The following METTL15 variants were observed in gnomAD, a reference collection of about 807,000 sequenced individuals.
METTL15 encodes methyltransferase 15, mitochondrial 12S rRNA N4-cytidine, also known as 12S rRNA N(4)-cytidine methyltransferase METTL15.
METTL15 carries 34 observed loss-of-function variants against 38.3 expected under a neutral mutation model. The observed-to-expected ratio is 0.89, with a 90% CI of 0.68 to 1.18. METTL15 has a LOEUF of 1.18. Among genes scored for constraint, METTL15 ranks in the 50% most tolerant of loss-of-function variants. METTL15 has a pLI of 0.00. For missense variants in METTL15, 438 were observed against 498.4 expected (o/e 0.88, Z 1.15); for synonymous variants, 162 against 170.9 (o/e 0.95, Z 0.41).
chr11:28,313,358 T>G (rs1250911986), intron 6 of METTL15, among the ~76,000 whole-genome samples: 2 of 151,926 alleles, frequency 1.3e-5, no homozygotes, highest in Admixed American at 1.3e-4. Flanking sequence ...TTAAAACTCA[T>G]GATCATTGAG....
At chr11:28,312,178 T>C (rs1857327091) in intron 6 of METTL15, among the ~76,000 whole-genome samples, 1 of 152,230 alleles carries the variant, frequency 6.6e-6, no homozygotes, top group Non-Finnish European at 1.5e-5. Flanking sequence ...CATAATAAGC[T>C]GTAAGCTTGG....
At chr11:28,131,962 G>T (rs1465035449) in intron 3 of METTL15, among the ~76,000 whole-genome samples, 1 of 152,136 alleles carries the variant, frequency 6.6e-6, no homozygotes, top group African/African-American at 2.4e-5. Flanking sequence ...AATTTAGAGT[G>T]ATTAAAAAAA....
chr11:28,429,025 G>T (rs1006254961), intron 6 of METTL15, among the ~76,000 whole-genome samples: 1 of 152,000 alleles, frequency 6.6e-6, no homozygotes, highest in Non-Finnish European at 1.5e-5. Context: ...CTATTATACT[G>T]CCTGCCTGAC....
At chr11:28,525,085 G>A (rs1391987825) in intron 6 of METTL15, among the ~76,000 whole-genome samples, 2 of 152,302 alleles carry the variant, frequency 1.3e-5, no homozygotes, top group Non-Finnish European at 2.9e-5. Context: ...CTTCAGGAGT[G>A]AAACTGCAGA....
chr11:28,432,669 C>T (rs886314620), intron 6 of METTL15, among the ~76,000 whole-genome samples: 14 of 152,182 alleles, frequency 9.2e-5, no homozygotes, highest in African/African-American at 2.7e-4. Context: ...ATAATAATAT[C>T]GAACTCATAG....
At chr11:28,149,315 T>C (rs1249963723) in intron 3 of METTL15, among the ~76,000 whole-genome samples, 1 of 151,802 alleles carries the variant, frequency 6.6e-6, no homozygotes, top group East Asian at 1.9e-4. Flanking sequence ...GATAATATAA[T>C]GACAAAAATA....
rs531663334 is a variant in METTL15, at chr11:28,242,102, A to G, written c.407+30904A>G. Reference sequence around the variant, plus strand: ...ATATAAATAAAAGTCTCTGTTTAAGATTAGAATATTGACTAAAATTTTGAG... The same window carrying G: ...ATATAAATAAAAGTCTCTGTTTAAGGTTAGAATATTGACTAAAATTTTGAG... On this transcript the variant is annotated intron_variant, in intron 4 of 6. Coordinates refer to ENST00000407364, the MANE Select transcript of METTL15 (RefSeq NM_001113528.2). Among the ~76,000 whole-genome samples the G allele has an allele frequency of 3.9e-5, 6 of 152,350 alleles. No individual in the cohort carries two copies. In the East Asian group the frequency reaches 1.2e-3, roughly 29 times the overall value.
At chr11:28,131,395 C>T (rs562412896) in intron 3 of METTL15, among the ~76,000 whole-genome samples, 50 of 152,124 alleles carry the variant, frequency 3.3e-4, no homozygotes, top group Admixed American at 1.1e-3. Flanking sequence ...ATGTTAACAC[C>T]GGTGGCCCCA....
At chr11:28,116,376 G>A (rs1851958115) in intron 3 of METTL15, among the ~76,000 whole-genome samples, 1 of 152,156 alleles carries the variant, frequency 6.6e-6, no homozygotes, top group African/African-American at 2.4e-5. Context: ...CTTCAGAAAT[G>A]TGATCCCTTA....
intron 5 of METTL15, among the ~76,000 whole-genome samples, chr11:28,378,405 G>T (rs1387601869): frequency 2.0e-5 from 3 of 152,228 alleles, no homozygotes; most frequent in African/African-American, 7.2e-5. Flanking sequence ...TCGGGTGGGA[G>T]TGAACCGATT....
intron 5 of METTL15, among the ~76,000 whole-genome samples, chr11:28,381,475 G>T (rs1184697398): frequency 6.6e-6 from 1 of 151,886 alleles, no homozygotes; most frequent in Non-Finnish European, 1.5e-5. Context: ...ACTCTTTCTT[G>T]TACACAAATA....
intron 4 of METTL15, 38 bp from the exon 5 acceptor site, chr11:28,290,168 A>G: frequency 6.5e-7 from 1 of 1,536,662 alleles, no homozygotes; most frequent in Non-Finnish European, 8.8e-7. Flanking sequence ...CTTCAATCTA[A>G]CAGAAGTGTT....
At chr11:28,501,909 C>T (rs985088494) in intron 6 of METTL15, among the ~76,000 whole-genome samples, 1 of 152,064 alleles carries the variant, frequency 6.6e-6, no homozygotes, top group Non-Finnish European at 1.5e-5. Context: ...ACTATCCTGG[C>T]TAGCGTGGTG....
chr11:28,375,773 G>A (rs1049964557), intron 5 of METTL15, among the ~76,000 whole-genome samples: 101 of 151,792 alleles, frequency 6.7e-4, no homozygotes, highest in African/African-American at 2.3e-3. Flanking sequence ...TGTCAATTTT[G>A]GATCTTTCCT....
At chr11:28,374,774 C>A (rs1187075899) in intron 5 of METTL15, among the ~76,000 whole-genome samples, 12 of 151,136 alleles carry the variant, frequency 7.9e-5, no homozygotes, top group African/African-American at 2.9e-4. Context: ...CCAGTTTTTG[C>A]CCATTCAGTA....
chr11:28,508,235 T>C (rs1851646092), intron 6 of METTL15, among the ~76,000 whole-genome samples: 1 of 152,216 alleles, frequency 6.6e-6, no homozygotes, highest in African/African-American at 2.4e-5. Flanking sequence ...TGGTCAGTTT[T>C]TGTTTTCTCC....
At chr11:28,369,038 A>G (rs1171956281) in intron 5 of METTL15, among the ~76,000 whole-genome samples, 1 of 152,080 alleles carries the variant, frequency 6.6e-6, no homozygotes, top group Admixed American at 6.6e-5. Context: ...ACATTAGGAG[A>G]AATACCTAAT....
intron 3 of METTL15, among the ~76,000 whole-genome samples, chr11:28,189,632 C>T (rs1408900895): frequency 1.3e-5 from 2 of 151,050 alleles, no homozygotes; most frequent in South Asian, 2.1e-4. Flanking sequence ...CTTGACTATG[C>T]GAGTACTTTA....
At chr11:28,423,003 A>G (rs1023257077) in intron 5 of METTL15, among the ~76,000 whole-genome samples, 8 of 146,518 alleles carry the variant, frequency 5.5e-5, no homozygotes, top group Non-Finnish European at 8.9e-5. Context: ...TTTATAGGGG[A>G]AAAAAAACAA....
Sources: gnomAD v4.1 joint callset for allele counts (sites outside exome capture counted in the v4.1 genomes callset) on GRCh38, gnomAD v4.1.1 for gene constraint, MANE v1.5 for transcripts, NCBI Gene and HGNC (gene_info 2026-07-23, HGNC 2026-07-21) for gene names.